Variants in EXOC4 observed in about 807,000 individuals in gnomAD.
EXOC4 encodes exocyst complex component 4.
EXOC4 carries 71 observed loss-of-function variants against 107.2 expected under a neutral mutation model. The observed-to-expected ratio is 0.66, with a 90% CI of 0.55 to 0.81. The LOEUF (loss-of-function observed/expected upper bound fraction) is 0.81, where lower values mean the gene tolerates loss of function less well. Among genes scored for constraint, EXOC4 ranks in the 30% least tolerant of loss-of-function variants. The pLI is 0.00. For missense variants in EXOC4, 1,108 were observed against 1,189.6 expected, an observed-to-expected ratio of 0.93 and a Z score of 1.01; for synonymous variants, 456 against 441.2, an observed-to-expected ratio of 1.03 and a Z score of -0.42.
intron 10 of EXOC4, among the ~76,000 whole-genome samples, chr7:133,673,671 A>G (rs975615152): frequency 6.6e-6 from 1 of 152,196 alleles, no homozygotes; most frequent in African/African-American, 2.4e-5. Flanking sequence ...TCTCTGAGCT[A>G]TTACGTTAGC....
chr7:133,514,592 TC>T (rs1362003311), intron 9 of EXOC4, among the ~76,000 whole-genome samples: 1 of 152,200 alleles, frequency 6.6e-6, no homozygotes, highest in Non-Finnish European at 1.5e-5. Context: ...GATAACCCCT[TC>T]AGTATCTAAA....
intron 10 of EXOC4, among the ~76,000 whole-genome samples, chr7:133,728,830 C>T (rs1795268858): frequency 1.3e-5 from 2 of 152,116 alleles, no homozygotes; most frequent in African/African-American, 4.8e-5. Context: ...GAATTTTGTC[C>T]ACCCTAACAT....
chr7:133,417,306 T>C (rs1455620279), intron 7 of EXOC4, among the ~76,000 whole-genome samples: 1 of 152,218 alleles, frequency 6.6e-6, no homozygotes, highest in Non-Finnish European at 1.5e-5. Context: ...TAGAGCTATC[T>C]AATCATAGAA....
intron 9 of EXOC4, among the ~76,000 whole-genome samples, chr7:133,515,389 G>A (rs1799853682): frequency 6.6e-6 from 1 of 151,436 alleles, no homozygotes. Context: ...ATAAATATAT[G>A]CACATATATA....
intron 1 of EXOC4, among the ~76,000 whole-genome samples, chr7:133,262,720 T>G (rs1795181465): frequency 6.6e-6 from 1 of 152,180 alleles, no homozygotes; most frequent in Non-Finnish European, 1.5e-5. Context: ...TAAACAAGAT[T>G]CCCAGGTGAT....
chr7:133,904,333 C>T (rs1453258315), intron 12 of EXOC4, among the ~76,000 whole-genome samples: 3 of 151,974 alleles, frequency 2.0e-5, no homozygotes, highest in South Asian at 4.1e-4. Flanking sequence ...TTGGTTTAGG[C>T]GGGAACATGG....
At position 133,461,033 on chromosome 7, in the gene EXOC4, T is replaced by C. The variant is rs541813386; in HGVS notation, c.1183-14295T>C. The stretch of plus-strand genomic sequence containing the variant: ...AATTTAAAAGATAACTTTAGATAGA[T>C]TGGTCAGAGAAGGTTTTGCGCATGG... On this transcript the variant is annotated intron_variant, in intron 7 of 17. Transcript: ENST00000253861. Among the ~76,000 whole-genome samples the C allele has an allele frequency of 7.2e-5, 11 of 152,232 alleles. No individual in the cohort carries two copies. In the South Asian group the frequency reaches 2.1e-3, roughly 29 times the overall value.
intron 10 of EXOC4, among the ~76,000 whole-genome samples, chr7:133,651,719 C>T (rs1803158909): frequency 6.6e-6 from 1 of 152,154 alleles, no homozygotes; most frequent in Non-Finnish European, 1.5e-5. Flanking sequence ...GAGTCTTGCT[C>T]TGTCGCCCAA....
chr7:133,563,275 A>C (rs1285320827), intron 9 of EXOC4, among the ~76,000 whole-genome samples: 1 of 152,148 alleles, frequency 6.6e-6, no homozygotes, highest in African/African-American at 2.4e-5. Context: ...TAAAAATGGA[A>C]TTTTAAAGAA....
Position 133,253,130 on chromosome 7 carries a change from A to C in EXOC4, c.29A>C (p.Tyr10Ser). Residue 10 changes from tyrosine to serine, a missense_variant, in exon 1 of 18, where the codon TAC becomes TCC. Physicochemically the swap from Tyr to Ser is moderately radical, Grantham distance 144. Coordinates refer to ENST00000253861, the MANE Select transcript of EXOC4 (RefSeq NM_021807.4). MAAEAAGGK[Y>S]RSTVSKSKDP... ...GCGGCAGAAGCAGCTGGTGGGAAAT[A>C]CAGAAGCACAGTCAGCAAAAGCAAA... 4.3e-6 allele frequency: 7 copies of C among 1,614,196 alleles called. No individual in the cohort carries two copies. Among genetic ancestry groups the C allele is most frequent in the Non-Finnish European group, 5.9e-6 (7 of 1,180,010 alleles).
the EXOC4 span, among the ~76,000 whole-genome samples, chr7:134,079,074 C>T: frequency 6.6e-6 from 1 of 152,192 alleles, no homozygotes; most frequent in Non-Finnish European, 1.5e-5. Flanking sequence ...ACATCAGTAG[C>T]CTTCTGCCAT....
chr7:133,635,095 G>C (rs1004062727), intron 10 of EXOC4, among the ~76,000 whole-genome samples: 1 of 152,026 alleles, frequency 6.6e-6, no homozygotes, highest in Admixed American at 6.6e-5. Context: ...CTCTTCTTTT[G>C]TGTAGTTCTG....
intron 7 of EXOC4, among the ~76,000 whole-genome samples, chr7:133,418,727 G>GTAGT (rs1391259284): frequency 6.6e-6 from 1 of 152,108 alleles, no homozygotes; most frequent in Non-Finnish European, 1.5e-5. Flanking sequence ...CTCACTACTA[G>GTAGT]TAGTTACTTT....
At chr7:133,927,430 G>A (rs958891280) in intron 13 of EXOC4, among the ~76,000 whole-genome samples, 1 of 152,172 alleles carries the variant, frequency 6.6e-6, no homozygotes, top group Non-Finnish European at 1.5e-5. Flanking sequence ...AAAAGTTCCT[G>A]TTGGGAATTT....
At chr7:133,450,424 A>G (rs984156420) in intron 7 of EXOC4, among the ~76,000 whole-genome samples, 3 of 152,136 alleles carry the variant, frequency 2.0e-5, no homozygotes, top group African/African-American at 7.2e-5. Context: ...TGGCCTCCCA[A>G]AGTACTGGGA....
intron 10 of EXOC4, among the ~76,000 whole-genome samples, chr7:133,814,017 A>G (rs1425314335): frequency 6.6e-6 from 1 of 152,220 alleles, no homozygotes; most frequent in Non-Finnish European, 1.5e-5. Flanking sequence ...TGATATGTGT[A>G]GGCAATTTTA....
chr7:133,581,888 G>A (rs964521285), intron 9 of EXOC4, among the ~76,000 whole-genome samples: 3 of 152,148 alleles, frequency 2.0e-5, no homozygotes, highest in Non-Finnish European at 4.4e-5. Flanking sequence ...AGAAGGCAAA[G>A]GGCGAAGAAG....
At chr7:133,601,630 C>T (rs1801809040) in intron 9 of EXOC4, among the ~76,000 whole-genome samples, 3 of 152,152 alleles carry the variant, frequency 2.0e-5, no homozygotes, top group Admixed American at 6.5e-5. Context: ...AAGAGAAATC[C>T]CCTAGAAGTG....
chr7:133,873,085 G>C (rs2116404156), intron 11 of EXOC4, among the ~76,000 whole-genome samples: 1 of 152,290 alleles, frequency 6.6e-6, no homozygotes, highest in East Asian at 1.9e-4. Flanking sequence ...CCAGGTATGA[G>C]GATTATTTGA....
Sources: gnomAD v4.1 joint callset for allele counts (sites outside exome capture counted in the v4.1 genomes callset) on GRCh38, gnomAD v4.1.1 for gene constraint, MANE v1.5 for transcripts, NCBI Gene and HGNC (gene_info 2026-07-23, HGNC 2026-07-21) for gene names.